The following DCC variants were observed in gnomAD, a reference collection of about 807,000 sequenced individuals.
DCC encodes the protein netrin receptor DCC.
DCC carries 58 observed loss-of-function variants against 172.5 expected under a neutral mutation model. The ratio of observed to expected loss-of-function variants is 0.34; its 90% CI spans 0.27 to 0.42. The LOEUF is 0.42. Among genes scored for constraint, DCC ranks in the 10% least tolerant of loss-of-function variants. The probability of loss-of-function intolerance (pLI) is 1.00; values close to 1 mark genes in which losing one functional copy is unlikely to be tolerated. For missense variants in DCC, 1,740 were observed against 1,791.0 expected (o/e 0.97, Z 0.51); for synonymous variants, 709 against 644.5 (o/e 1.10, Z -1.52).
chr18:53,206,642 TATATA>T (rs1356498435), intron 10 of DCC, among the ~76,000 whole-genome samples: 3 of 146,324 alleles, frequency 2.1e-5, no homozygotes, highest in African/African-American at 7.4e-5. Flanking sequence ...TGTATACATA[TATATA>T]ATATATGTAT....
Position 53,467,997 on chromosome 18 carries a change from G to A in DCC, c.3723G>A (p.Gln1241=). The A allele has an allele frequency of 6.3e-7, 1 of 1,575,442 alleles. No homozygotes were observed. The change falls in exon 25 of 29, where the codon CAG becomes CAA. Residue 1241 remains glutamine (Q), a synonymous_variant. Coordinates refer to ENST00000442544, the MANE Select transcript of DCC (RefSeq NM_005215.4). ...AGCTCATGATTCCCATGGATGCCCA[G>A]TCCAACAATCCTGGTGAGTCAATAT... ...RAKLMIPMDA[Q]SNNPAVVSAI... is the part of the protein sequence containing the mutation.
chr18:52,577,474 T>C (rs1001952574), intron 1 of DCC, among the ~76,000 whole-genome samples: 1 of 152,206 alleles, frequency 6.6e-6, no homozygotes, highest in African/African-American at 2.4e-5. Context: ...ACGTTTGCAA[T>C]AGAAAGTTCA....
In DCC at chr18:52,927,038, T is replaced by A. The variant is rs1192307455; in HGVS notation, c.985+1668T>A. On this transcript the variant is annotated intron_variant, in intron 5 of 28. Transcript: ENST00000442544. ...CAAAGAAAAAATGCCAGTATGAGTA[T>A]GCCAATACATATATATACACATATA... Among the ~76,000 whole-genome samples the A allele has an allele frequency of 1.8e-4, 20 of 111,096 alleles. 3 individuals carry two copies. The highest frequency in any genetic ancestry group is 1.3e-3 in the Admixed American group (16 of 11,966). The allele number at this position is 111,096 out of a possible 152,430, so 72.9% of individuals were successfully genotyped here. A position where few individuals can be genotyped will look rare whatever the true frequency, so the allele number is the denominator to read the frequency against.
At chr18:53,435,423 A>G (rs1046069935) in intron 22 of DCC, among the ~76,000 whole-genome samples, 12 of 152,184 alleles carry the variant, frequency 7.9e-5, no homozygotes, top group Non-Finnish European at 1.5e-4. Context: ...GATGATGCCA[A>G]TAAGAGTTGA....
At chr18:52,467,461 G>C (rs964981876) in intron 1 of DCC, among the ~76,000 whole-genome samples, 2 of 152,196 alleles carry the variant, frequency 1.3e-5, no homozygotes, top group Non-Finnish European at 2.9e-5. Context: ...TGGACATTTG[G>C]GTTGATTCGA....
At chr18:53,454,425 G>A (rs569546916) in intron 23 of DCC, among the ~76,000 whole-genome samples, 11 of 152,148 alleles carry the variant, frequency 7.2e-5, no homozygotes, top group South Asian at 4.1e-4. Context: ...ACATTTTCTC[G>A]CCCAACATAT....
At chr18:53,259,156 CT>C (rs2056561794) in intron 12 of DCC, among the ~76,000 whole-genome samples, 1 of 152,128 alleles carries the variant, frequency 6.6e-6, no homozygotes, top group Admixed American at 6.5e-5. Flanking sequence ...GGTCTTGACT[CT>C]TTATCCAATT....
intron 5 of DCC, among the ~76,000 whole-genome samples, chr18:52,940,437 G>A (rs1907850756): frequency 6.6e-6 from 1 of 152,086 alleles, no homozygotes; most frequent in Admixed American, 6.5e-5. Flanking sequence ...GACAGAACAT[G>A]AAATTGGACT....
rs918887651 is a variant in DCC, at chr18:53,035,901, C to T, written c.986-27404C>T. 2.0e-5 allele frequency among the ~76,000 whole-genome samples: 3 copies of T among 152,110 alleles called. No individual in the cohort carries two copies. In the East Asian group the frequency reaches 5.8e-4, roughly 29 times the overall value. On this transcript the variant is annotated intron_variant, in intron 5 of 28. Coordinates refer to ENST00000442544, the MANE Select transcript of DCC (RefSeq NM_005215.4). ...TTTGCATACTTGTTGTCATATTATCCTTAGAGCATTTAGTATTTCACTATT... is the reference window on the plus strand; with the variant it reads ...TTTGCATACTTGTTGTCATATTATCTTTAGAGCATTTAGTATTTCACTATT...
intron 1 of DCC, among the ~76,000 whole-genome samples, chr18:52,537,745 T>C (rs996432878): frequency 2.0e-5 from 3 of 152,182 alleles, no homozygotes; most frequent in African/African-American, 7.2e-5. Context: ...TCACTGTCTG[T>C]CAATGCAGAG....
At chr18:52,930,352 A>T (rs1195481789) in intron 5 of DCC, among the ~76,000 whole-genome samples, 1 of 152,138 alleles carries the variant, frequency 6.6e-6, no homozygotes, top group East Asian at 1.9e-4. Flanking sequence ...CCAGCTACTC[A>T]GGAATCTGAA....
At chr18:53,235,686 T>C (rs969883368) in intron 12 of DCC, among the ~76,000 whole-genome samples, 1 of 125,762 alleles carries the variant, frequency 8.0e-6, no homozygotes, top group Non-Finnish European at 1.7e-5. Context: ...GTTAAGTATA[T>C]TCATAGTTTT....
At chr18:52,792,782 TCCA>T in intron 2 of DCC, among the ~76,000 whole-genome samples, 1 of 151,528 alleles carries the variant, frequency 6.6e-6, no homozygotes, top group East Asian at 1.9e-4. Flanking sequence ...TCCATTCCAT[TCCA>T]TTCCATTCCA....
intron 19 of DCC, among the ~76,000 whole-genome samples, chr18:53,404,528 G>A (rs1003870210): frequency 9.2e-5 from 14 of 151,964 alleles, no homozygotes; most frequent in South Asian, 2.1e-4. Flanking sequence ...TCAGGAGATC[G>A]AGACCATCCT....
chr18:52,694,960 C>T (rs569294319), intron 1 of DCC, among the ~76,000 whole-genome samples: 2 of 152,250 alleles, frequency 1.3e-5, no homozygotes, highest in South Asian at 4.1e-4. Context: ...CTTTTGTACA[C>T]CACAGTGACA....
chr18:52,638,998 C>A (rs941575316), intron 1 of DCC, among the ~76,000 whole-genome samples: 10 of 152,078 alleles, frequency 6.6e-5, no homozygotes, highest in Non-Finnish European at 1.5e-4. Context: ...AAAATCAACT[C>A]CAAAAGGAAC....
intron 20 of DCC, among the ~76,000 whole-genome samples, chr18:53,412,368 A>T (rs1041615141): frequency 1.4e-4 from 22 of 152,290 alleles, no homozygotes; most frequent in African/African-American, 4.6e-4. Flanking sequence ...CACTTTTATT[A>T]ATAATTTTGT....
At chr18:53,172,182 T>G (rs1468070418) in intron 8 of DCC, among the ~76,000 whole-genome samples, 1 of 152,114 alleles carries the variant, frequency 6.6e-6, no homozygotes, top group Admixed American at 6.6e-5. Flanking sequence ...AACACGGATG[T>G]AGTTGGAGGC....
At chr18:53,349,302 T>A (rs2057760834) in intron 15 of DCC, among the ~76,000 whole-genome samples, 1 of 152,182 alleles carries the variant, frequency 6.6e-6, no homozygotes. Context: ...CTCATTTCCA[T>A]CTGAGACCAC....
Sources: gnomAD v4.1 joint callset for allele counts (sites outside exome capture counted in the v4.1 genomes callset) on GRCh38, gnomAD v4.1.1 for gene constraint, MANE v1.5 for transcripts, NCBI Gene and HGNC (gene_info 2026-07-23, HGNC 2026-07-21) for gene names.